The following JPH1 variants were observed in gnomAD, a reference collection of about 807,000 sequenced individuals.
JPH1 encodes the protein junctophilin 1, also known as junctophilin-1.
A neutral mutation model predicts 53.6 loss-of-function variants in JPH1; 12 were observed. The observed-to-expected ratio is 0.22, with a 90% confidence interval of 0.14 to 0.36. The LOEUF (loss-of-function observed/expected upper bound fraction) is 0.36, where lower values mean the gene tolerates loss of function less well. JPH1 is among the 10% of genes least tolerant of loss of function. JPH1 has a pLI of 1.00. For synonymous variants in JPH1, 375 were observed against 363.8 expected, an observed-to-expected ratio of 1.03 and a Z score of -0.35; for missense variants, 808 against 905.5, an observed-to-expected ratio of 0.89 and a Z score of 1.38.
At chr8:74,260,344 G>C (rs1487115606) in intron 2 of JPH1, among the ~76,000 whole-genome samples, 1 of 152,102 alleles carries the variant, frequency 6.6e-6, no homozygotes, top group East Asian at 1.9e-4. Context: ...AAAAGAATAG[G>C]GCTTCTTATG....
intron 4 of JPH1, 111 bp from the exon 5 acceptor site, chr8:74,237,414 G>T: frequency 1.2e-6 from 1 of 825,950 alleles, no homozygotes; most frequent in East Asian, 2.5e-5. Flanking sequence ...CAGTAAATAA[G>T]GCATAAAAGA....
intron 3 of JPH1, among the ~76,000 whole-genome samples, chr8:74,256,092 C>T (rs142103258): frequency 0.061 from 9,202 of 152,058 alleles, 887 homozygotes; most frequent in African/African-American, 0.2. Flanking sequence ...CACATGCACA[C>T]GTATGTTTAT....
intron 2 of JPH1, among the ~76,000 whole-genome samples, chr8:74,305,713 T>A (rs996519878): frequency 4.6e-5 from 7 of 152,208 alleles, no homozygotes; most frequent in Admixed American, 3.3e-4. Flanking sequence ...CAGAACTGAA[T>A]GTTGTCTCAT....
At chr8:74,312,712 A>C (rs1210613667) in intron 2 of JPH1, among the ~76,000 whole-genome samples, 1 of 151,874 alleles carries the variant, frequency 6.6e-6, no homozygotes, top group Non-Finnish European at 1.5e-5. Flanking sequence ...CCACCATTTT[A>C]CTCTATGTTT....
intron 3 of JPH1, among the ~76,000 whole-genome samples, chr8:74,247,349 G>A (rs1378526477): frequency 6.6e-6 from 1 of 152,174 alleles, no homozygotes; most frequent in Non-Finnish European, 1.5e-5. Flanking sequence ...GGTAGTGGAT[G>A]TACTTTGCAA....
chr8:74,285,500 AT>A (rs1196696293), intron 2 of JPH1, among the ~76,000 whole-genome samples: 1 of 152,168 alleles, frequency 6.6e-6, no homozygotes, highest in East Asian at 1.9e-4. Flanking sequence ...AGAATCCTTT[AT>A]CTGCAACTCC....
In JPH1 at chr8:74,235,741, A is replaced by G. The variant is rs1380253225; in HGVS notation, c.*1310T>C. On this transcript the variant is annotated 3_prime_UTR_variant, in exon 6 of 6. Coordinates refer to ENST00000342232, the MANE Select transcript of JPH1 (RefSeq NM_020647.4). ...AATCCAGAAATGTCAGAATGACAAA[A>G]GACTGTAAAAGACACATATTTAAAA... The G allele has an allele frequency of 2.6e-5, 4 of 152,694 alleles. No individual in the cohort carries two copies. Among genetic ancestry groups the G allele is most frequent in the South Asian group, 4.1e-4 (2 of 4,834 alleles). The allele number at this position is 152,694 out of a possible 1,614,324, so 9.5% of individuals were successfully genotyped here.
intron 2 of JPH1, 74 bp downstream of exon 2, chr8:74,314,787 A>C: frequency 2.0e-6 from 3 of 1,523,126 alleles, no homozygotes; most frequent in Non-Finnish European, 2.7e-6. Context: ...TCACTGGCAG[A>C]TAGACAAACA....
At position 74,315,340 on chromosome 8, in the gene JPH1, G is replaced by C; in HGVS notation, c.660C>G (p.Ser220Arg). The C allele has an allele frequency of 7.4e-6, 12 of 1,613,574 alleles. No individual in the cohort carries two copies. Among genetic ancestry groups the C allele is most frequent in the Non-Finnish European group, 1.0e-5 (12 of 1,180,014 alleles). ...GLFRRGSLLG[S>R]MKLRKSESKS... The stretch of plus-strand genomic sequence containing the variant: ...TGGATTCGGACTTGCGAAGTTTCAT[G>C]CTTCCAAGAAGGGAGCCCCTCCGGA... Residue 220 changes from serine to arginine, a missense_variant, in exon 2 of 6, where the codon AGC (serine) becomes AGG (arginine). Physicochemically the swap from Ser to Arg is moderately radical, Grantham distance 110. Coordinates refer to ENST00000342232, the MANE Select transcript of JPH1 (RefSeq NM_020647.4). The surrounding 1 kb of genome is among the most constrained non-coding windows in gnomAD (Gnocchi z 6.3).
intron 2 of JPH1, among the ~76,000 whole-genome samples, chr8:74,294,417 G>A (rs1230329581): frequency 6.6e-6 from 1 of 152,148 alleles, no homozygotes; most frequent in Non-Finnish European, 1.5e-5. Flanking sequence ...AGGAAACAGG[G>A]CCAAAAGCAG....
intron 2 of JPH1, among the ~76,000 whole-genome samples, chr8:74,291,499 A>C (rs950808902): frequency 3.9e-5 from 6 of 152,220 alleles, no homozygotes; most frequent in African/African-American, 1.4e-4. Context: ...GAGGATGTGG[A>C]GACATAGGAA....
At chr8:74,313,381 T>C (rs1360999709) in intron 2 of JPH1, among the ~76,000 whole-genome samples, 2 of 152,124 alleles carry the variant, frequency 1.3e-5, no homozygotes, top group Non-Finnish European at 2.9e-5. Flanking sequence ...GAGAGACCCT[T>C]CATTAAAGTT....
Position 74,244,991 on chromosome 8 carries a change from C to T in JPH1, c.1443G>A (p.Lys481=). Residue 481 remains lysine (K), a synonymous_variant, in exon 4 of 6, where the codon AAG becomes AAA. Transcript: ENST00000342232. ...AGCTGGGGTTTTGCTTCTTCAGGGG[C>T]TTTGGGGAGGAAGCAGGAGAGTGGC... The part of the protein sequence containing the change: ...KHSHSPASSP[K]PLKKQNPSSG... 5 of 1,613,966 alleles carry T rather than the reference C, an allele frequency of 3.1e-6. No homozygotes were observed. The highest frequency in any genetic ancestry group is 4.2e-6 in the Non-Finnish European group (5 of 1,179,998).
chr8:74,314,405 G>A (rs1184263748), intron 2 of JPH1, among the ~76,000 whole-genome samples: 1 of 152,126 alleles, frequency 6.6e-6, no homozygotes, highest in Non-Finnish European at 1.5e-5. Flanking sequence ...ACATACCTCC[G>A]ATGTAAATAT....
At position 74,253,449 on chromosome 8, in the gene JPH1, T is replaced by C. The variant is rs1007453788; in HGVS notation, c.1258+5936A>G. ...CCCACAAGAGAAAGCAGGAAAGATC[T>C]AAAATTGACACCCTAACATCACAAT... is the stretch of plus-strand genomic sequence containing the variant. On this transcript the variant is annotated intron_variant, in intron 3 of 5. Transcript: ENST00000342232. Among the ~76,000 whole-genome samples, 86 of 152,164 alleles carry C rather than the reference T, an allele frequency of 5.7e-4. 2 individuals carry two copies. The highest frequency in any genetic ancestry group is 2.1e-3 in the South Asian group (10 of 4,824).
chr8:74,257,798 A>C (rs1806280837), intron 3 of JPH1, among the ~76,000 whole-genome samples: 1 of 152,202 alleles, frequency 6.6e-6, no homozygotes, highest in Non-Finnish European at 1.5e-5. Flanking sequence ...TGCGTGTGAA[A>C]GAAAATACCC....
Position 74,307,087 on chromosome 8 carries a change from G to T in JPH1, c.1139+7774C>A, listed in dbSNP as rs1807859125. On this transcript the variant is annotated intron_variant, in intron 2 of 5. Coordinates refer to ENST00000342232, the MANE Select transcript of JPH1 (RefSeq NM_020647.4). The stretch of plus-strand genomic sequence containing the variant: ...GATACATGCTCACATCTGCACACAG[G>T]TGGTAAAGCTCTGTAGATTTAACTC... 2.0e-5 allele frequency among the ~76,000 whole-genome samples: 3 copies of T among 152,124 alleles called. No individual in the cohort carries two copies. The South Asian group carries it at 6.2e-4, about 32-fold the overall frequency.
rs534108183 is a variant in JPH1, at chr8:74,235,244, C to A, written c.*1807G>T. 2.6e-5 allele frequency: 4 copies of A among 152,674 alleles called. No homozygotes were observed. The South Asian group carries it at 8.3e-4, about 32-fold the overall frequency. The allele number at this position is 152,674 out of a possible 1,614,324, so 9.5% of individuals were successfully genotyped here. A position where few individuals can be genotyped will look rare whatever the true frequency, so the allele number is the denominator to read the frequency against. On this transcript the variant is annotated 3_prime_UTR_variant, in exon 6 of 6. Coordinates refer to ENST00000342232, the MANE Select transcript of JPH1 (RefSeq NM_020647.4). ...TTAAACATTTGTTCTCAGGTAAAAA[C>A]GGACTTCCTAAATTTAAAAGTCAAA...
chr8:74,264,688 T>C (rs1806483320), intron 2 of JPH1, among the ~76,000 whole-genome samples: 1 of 152,180 alleles, frequency 6.6e-6, no homozygotes, highest in African/African-American at 2.4e-5. Context: ...CAAGTGATTT[T>C]TGTCAATGAG....
Sources: allele counts gnomAD v4.1 joint callset (sites outside exome capture counted in the v4.1 genomes callset), GRCh38; gene constraint gnomAD v4.1.1; non-coding constraint Gnocchi (gnomAD v3.1); transcripts MANE v1.5; gene names NCBI Gene and HGNC (gene_info 2026-07-23, HGNC 2026-07-21).